Variants in PDE1A observed in about 807,000 individuals in gnomAD.
PDE1A encodes dual specificity calcium/calmodulin-dependent 3',5'-cyclic nucleotide phosphodiesterase 1A.
PDE1A carries 35 observed loss-of-function variants against 61.7 expected under a neutral mutation model. The ratio of observed to expected loss-of-function variants is 0.57; its 90% CI spans 0.43 to 0.75. The LOEUF (loss-of-function observed/expected upper bound fraction) is 0.75, where lower values mean the gene tolerates loss of function less well. PDE1A is among the 30% of genes least tolerant of loss of function. The pLI, the probability that PDE1A is intolerant of heterozygous loss-of-function variation, is 0.00. For synonymous variants in PDE1A, 232 were observed against 213.2 expected (o/e 1.09, Z -0.77); for missense variants, 597 against 630.6 (o/e 0.95, Z 0.57).
intron 1 of PDE1A, among the ~76,000 whole-genome samples, chr2:182,389,122 G>T (rs186219451): frequency 2.2e-4 from 34 of 152,242 alleles, no homozygotes; most frequent in African/African-American, 7.9e-4. Context: ...ACTTTTGTAA[G>T]TAATGATACC....
the PDE1A span, among the ~76,000 whole-genome samples, chr2:182,712,377 T>C: frequency 6.6e-6 from 1 of 152,180 alleles, no homozygotes; most frequent in Non-Finnish European, 1.5e-5. Flanking sequence ...CAGTGTTAAT[T>C]TCTGGATTTT....
At chr2:182,243,443 C>G (rs1690711127) in intron 2 of PDE1A, among the ~76,000 whole-genome samples, 1 of 152,018 alleles carries the variant, frequency 6.6e-6, no homozygotes, top group African/African-American at 2.4e-5. Flanking sequence ...AGTACAAAGG[C>G]CCGAGGCATG....
At chr2:182,549,559 A>G in the PDE1A span, among the ~76,000 whole-genome samples, 2 of 152,158 alleles carry the variant, frequency 1.3e-5, no homozygotes, top group South Asian at 2.1e-4. Flanking sequence ...CAAATTGTGT[A>G]CTTAAATAGG....
chr2:182,170,512 T>C (rs921735460), intron 13 of PDE1A, among the ~76,000 whole-genome samples: 8 of 152,048 alleles, frequency 5.3e-5, no homozygotes, highest in Non-Finnish European at 1.2e-4. Flanking sequence ...AATTCTTTCC[T>C]CTTTCTGTCT....
At chr2:182,524,336 T>C (rs1251713984), upstream of PDE1A, among the ~76,000 whole-genome samples, 2 of 152,226 alleles carry the variant, frequency 1.3e-5, no homozygotes, top group East Asian at 1.9e-4. Context: ...CTTGAGGCTA[T>C]ACAGATGATT....
chr2:182,511,194 GTCAAGA>G (rs1349575078), intron 2 of PDE1A, among the ~76,000 whole-genome samples: 13 of 152,116 alleles, frequency 8.5e-5, no homozygotes, highest in Admixed American at 6.5e-4. Flanking sequence ...GAGGGAAAGA[GTCAAGA>G]TGGTCAACTA....
At chr2:182,670,785 A>G in the PDE1A span, among the ~76,000 whole-genome samples, 1 of 152,126 alleles carries the variant, frequency 6.6e-6, no homozygotes, top group South Asian at 2.1e-4. Context: ...ATTCAGTAGG[A>G]CTATGGTAGA....
the PDE1A span, among the ~76,000 whole-genome samples, chr2:182,670,228 C>T: frequency 4.6e-5 from 7 of 152,114 alleles, no homozygotes; most frequent in African/African-American, 1.4e-4. Flanking sequence ...TTACCCTACA[C>T]CTGTTTAGAG....
the PDE1A span, among the ~76,000 whole-genome samples, chr2:182,623,583 T>C: frequency 6.6e-6 from 1 of 152,164 alleles, no homozygotes; most frequent in Non-Finnish European, 1.5e-5. Context: ...CAGAGACCCC[T>C]GACTACCTAC....
intron 2 of PDE1A, among the ~76,000 whole-genome samples, chr2:182,449,065 CACACACACACACACACACACAA>C (rs1415563204): frequency 2.0e-5 from 3 of 150,890 alleles, no homozygotes; most frequent in Non-Finnish European, 4.4e-5. Flanking sequence ...CACACACACA[CACACACACACACACACACACAA>C]ACAAAACCCA....
Position 182,386,486 on chromosome 2 carries a change from G to T in PDE1A, c.53+40092C>A, listed in dbSNP as rs569362243. Among the ~76,000 whole-genome samples, 20 of 151,016 alleles carry T rather than the reference G, an allele frequency of 1.3e-4. No homozygotes were observed. In the East Asian group the frequency reaches 3.4e-3, roughly 25 times the overall value. On this transcript the variant is annotated intron_variant, in intron 1 of 13. Transcript: ENST00000351439. ...TGTCTGGGATGTGAGGAGCGCCTCT[G>T]CCCGGCCGCGACCCCATCTGGGAGG...
At chr2:182,462,060 C>T (rs568393555) in intron 2 of PDE1A, among the ~76,000 whole-genome samples, 6 of 151,822 alleles carry the variant, frequency 4.0e-5, no homozygotes, top group East Asian at 1.9e-4. Context: ...AGCAAACTAT[C>T]GCAAGAATAA....
chr2:182,656,035 C>T, the PDE1A span, among the ~76,000 whole-genome samples: 11 of 152,306 alleles, frequency 7.2e-5, no homozygotes, highest in African/African-American at 2.6e-4. Flanking sequence ...TTCATCAAGC[C>T]TTTTAAAGCA....
chr2:182,173,298 G>A (rs961395493), intron 13 of PDE1A, among the ~76,000 whole-genome samples: 1 of 152,016 alleles, frequency 6.6e-6, no homozygotes, highest in African/African-American at 2.4e-5. Context: ...CTTTTGAGTT[G>A]TACCTTTGTA....
chr2:182,680,502 G>C, the PDE1A span, among the ~76,000 whole-genome samples: 1 of 152,072 alleles, frequency 6.6e-6, no homozygotes, highest in Non-Finnish European at 1.5e-5. Flanking sequence ...GCATAGCATA[G>C]TTTTATACAT....
chr2:182,702,587 G>A, the PDE1A span, among the ~76,000 whole-genome samples: 1 of 152,004 alleles, frequency 6.6e-6, no homozygotes, highest in Non-Finnish European at 1.5e-5. Context: ...TTAATATAAG[G>A]GGTTGGAGAA....
chr2:182,381,257 T>C (rs1022939251), intron 1 of PDE1A, among the ~76,000 whole-genome samples: 2 of 152,102 alleles, frequency 1.3e-5, no homozygotes, highest in Non-Finnish European at 2.9e-5. Context: ...TTATTTTTCA[T>C]CTAGAATACT....
chr2:182,682,211 CAGA>C, the PDE1A span, among the ~76,000 whole-genome samples: 2 of 152,176 alleles, frequency 1.3e-5, no homozygotes, highest in Non-Finnish European at 2.9e-5. Context: ...GCTTGCCACA[CAGA>C]AGGCCAATCA....
Position 182,322,213 on chromosome 2 carries a change from GT to G in PDE1A, c.54-57800del, listed in dbSNP as rs573307922. Among the ~76,000 whole-genome samples, 137 of 152,254 alleles carry G rather than the reference GT, an allele frequency of 9.0e-4. 1 individual carries two copies. Among genetic ancestry groups the G allele is most frequent in the African/African-American group, 3.1e-3 (130 of 41,548 alleles). ...TATTGTATGAAAATTTCTTAATATG[GT>G]GTTGGGCACATAGTAAGCCACAGAA... is the stretch of plus-strand genomic sequence containing the variant. On this transcript the variant is annotated intron_variant, in intron 1 of 13. Transcript: ENST00000351439.
Sources: allele counts gnomAD v4.1 joint callset (sites outside exome capture counted in the v4.1 genomes callset), GRCh38; gene constraint gnomAD v4.1.1; transcripts MANE v1.5; gene names NCBI Gene and HGNC (gene_info 2026-07-23, HGNC 2026-07-21).